ATPSCKMT: variants seen among roughly 807,000 people sequenced by gnomAD.
The protein encoded by ATPSCKMT is ATP synthase subunit C lysine N-methyltransferase.
ATPSCKMT carries 24 observed loss-of-function variants against 24.3 expected under a neutral mutation model. That is an observed-to-expected ratio of 0.99 (90% CI 0.71 to 1.39). ATPSCKMT has a LOEUF of 1.39. Ranked by LOEUF, ATPSCKMT falls within the 40% of genes most tolerant of loss-of-function variation. The pLI is 0.00. For synonymous variants in ATPSCKMT, 95 were observed against 110.5 expected (o/e 0.86, Z 0.88); for missense variants, 311 against 298.4 (o/e 1.04, Z -0.31).
Position 10,225,871 on chromosome 5 carries a change from T to C in ATPSCKMT, c.*1570A>G, listed in dbSNP as rs915714571. Among the ~76,000 whole-genome samples the C allele has an allele frequency of 1.3e-5, 2 of 152,138 alleles. No homozygotes were observed. The highest frequency in any genetic ancestry group is 4.8e-5 in the African/African-American group (2 of 41,444). On this transcript the variant is annotated 3_prime_UTR_variant, in exon 5 of 5. Coordinates refer to ENST00000511437, the MANE Select transcript of ATPSCKMT (RefSeq NM_199133.4). Reference sequence around the variant, plus strand: ...ACATCTTCATGGCAAGGAGCTACCATGGATCCCCCTCCGAGTGTGCCCAGA... The same window carrying C: ...ACATCTTCATGGCAAGGAGCTACCACGGATCCCCCTCCGAGTGTGCCCAGA...
intron 3 of ATPSCKMT, chr5:10,236,262 G>A (rs1486004686): frequency 4.9e-6 from 2 of 407,848 alleles, no homozygotes; most frequent in Non-Finnish European, 8.4e-6. Flanking sequence ...ATAAATTCTT[G>A]GAATTCACAA....
intron 2 of ATPSCKMT, chr5:10,237,049 G>A: frequency 7.8e-7 from 1 of 1,280,392 alleles, no homozygotes; most frequent in Non-Finnish European, 1.0e-6. Context: ...ACCTGTCAAT[G>A]AAAAATCTGC....
At chr5:10,241,633 AT>A (rs1375266842) in intron 1 of ATPSCKMT, among the ~76,000 whole-genome samples, 1 of 152,204 alleles carries the variant, frequency 6.6e-6, no homozygotes, top group Admixed American at 6.5e-5. Context: ...AATGCTAGTG[AT>A]GGGGGTAAAG....
At chr5:10,238,773 G>C (rs536796630) in intron 2 of ATPSCKMT, among the ~76,000 whole-genome samples, 2 of 152,286 alleles carry the variant, frequency 1.3e-5, no homozygotes, top group East Asian at 3.9e-4. Flanking sequence ...TTCTTCTCAT[G>C]CCACCTCTGT....
chr5:10,238,411 C>T (rs1241273989), intron 2 of ATPSCKMT, among the ~76,000 whole-genome samples: 1 of 152,164 alleles, frequency 6.6e-6, no homozygotes, highest in Non-Finnish European at 1.5e-5. Flanking sequence ...TCCTGCTGGC[C>T]TTCACACTAA....
rs199590304 is a variant in ATPSCKMT, at chr5:10,236,537, G to A, written c.385C>T (p.Arg129Cys). The A allele has an allele frequency of 1.7e-4, 281 of 1,614,112 alleles. No homozygotes were observed. The African/African-American group carries it at 2.2e-3, about 13-fold the overall frequency. ...CCATGCACACCTTCTCGCCAAGCGC[G>A]GTATCTGGAATACCAAACTAGCCAT... ...NPWLVWYSRY[R>C]AWREGVHGSA... The change falls in exon 3 of 5, where the codon CGC becomes TGC. Residue 129 changes from arginine to cysteine, a missense_variant. By Grantham distance (180) the Arg-to-Cys change is radical. Transcript: ENST00000511437.
chr5:10,239,039 A>T lies in ATPSCKMT; in HGVS notation c.306+28T>A, dbSNP rs374503411. ...GCAGAAATTTTAAGTTCTGGTTTCA[A>T]ACCTTAAAATGTTTTAGCAGAACTC... On this transcript the variant is annotated intron_variant, in intron 2 of 4. Transcript: ENST00000511437. 12 of 1,596,420 alleles carry T rather than the reference A, an allele frequency of 7.5e-6. No homozygotes were observed. In the African/African-American group the frequency reaches 1.2e-4, roughly 16 times the overall value.
rs1743883683 is a variant in ATPSCKMT, at chr5:10,226,470, C to T, written c.*971G>A. On this transcript the variant is annotated 3_prime_UTR_variant, in exon 5 of 5. Transcript: ENST00000511437. ...TGATAAGTACGAATGACTCAAGCTA[C>T]CATTCAATATTCACTTTACAGATAT... The T allele has an allele frequency of 1.3e-5, 2 of 152,196 alleles. No homozygotes were observed. Among genetic ancestry groups the T allele is most frequent in the South Asian group, 4.1e-4 (2 of 4,826 alleles). 9.4% of individuals were successfully genotyped at this position (152,196 alleles called of 1,614,324 possible). A position where few individuals can be genotyped will look rare whatever the true frequency, so the allele number is the denominator to read the frequency against.
chr5:10,227,772 T>C (rs889193638), intron 4 of ATPSCKMT, 125 bp from the exon 5 acceptor site: 2 of 776,254 alleles, frequency 2.6e-6, no homozygotes, highest in African/African-American at 1.7e-5. Flanking sequence ...AAAAGAGCAC[T>C]CTGGGACACA....
chr5:10,235,075 C>T, intron 4 of ATPSCKMT, 136 bp downstream of exon 4: 2 of 682,616 alleles, frequency 2.9e-6, no homozygotes, highest in East Asian at 2.7e-5. Context: ...TTTATTAAAT[C>T]AATGAACTGA....
At chr5:10,230,956 A>C (rs1284781048) in intron 4 of ATPSCKMT, among the ~76,000 whole-genome samples, 1 of 151,862 alleles carries the variant, frequency 6.6e-6, no homozygotes, top group Non-Finnish European at 1.5e-5. Flanking sequence ...CAACAAACCT[A>C]CATCTCCAGC....
intron 1 of ATPSCKMT, among the ~76,000 whole-genome samples, chr5:10,248,887 G>C (rs3888292): frequency 0.42 from 64,315 of 152,062 alleles, 16,991 homozygotes; most frequent in Non-Finnish European, 0.6. Flanking sequence ...ATTAAGTCAT[G>C]ATCTTGGAGG....
chr5:10,235,375 G>A, intron 3 of ATPSCKMT, 114 bp from the exon 4 acceptor site: 1 of 842,560 alleles, frequency 1.2e-6, no homozygotes, highest in Non-Finnish European at 2.0e-6. Flanking sequence ...GGTGGGTTTT[G>A]ATGAACTCCT....
intron 1 of ATPSCKMT, 200 bp downstream of exon 1, chr5:10,249,658 C>T: frequency 7.4e-6 from 6 of 815,712 alleles, no homozygotes; most frequent in Non-Finnish European, 1.1e-5. Flanking sequence ...ACGCGCCCGC[C>T]GACAAGGATC....
chr5:10,239,227 A>T lies in ATPSCKMT; in HGVS notation c.146T>A (p.Val49Glu). 1 of 1,614,220 alleles carries T rather than the reference A, an allele frequency of 6.2e-7. No individual in the cohort carries two copies. Among genetic ancestry groups the T allele is most frequent in the Non-Finnish European group, 8.5e-7 (1 of 1,180,042 alleles). Reference sequence around the variant, plus strand: ...CGGCGTGGCTACAGCGTACACAGCCACCAGGGTGCCACCCACAAGCCCAGT... The same window carrying T: ...CGGCGTGGCTACAGCGTACACAGCCTCCAGGGTGCCACCCACAAGCCCAGT... ...LLTGLVGGTL[V>E]AVYAVATPFV... The change falls in exon 2 of 5, where the codon GTG becomes GAG. Residue 49 changes from valine to glutamate, a missense_variant. By Grantham distance (121) the Val-to-Glu change is moderately radical. Coordinates refer to ENST00000511437, the MANE Select transcript of ATPSCKMT (RefSeq NM_199133.4).
rs1743863552 is a variant in ATPSCKMT, at chr5:10,226,064, C to T, written c.*1377G>A. On this transcript the variant is annotated 3_prime_UTR_variant, in exon 5 of 5. Coordinates refer to ENST00000511437, the MANE Select transcript of ATPSCKMT (RefSeq NM_199133.4). ...CCAAAAACCTGGCTGAAGTCCACAA[C>T]ATCACATCCCCTCATCTCAGACTCA... is the stretch of plus-strand genomic sequence containing the variant. Among the ~76,000 whole-genome samples the T allele has an allele frequency of 6.6e-6, 1 of 152,240 alleles. No individual in the cohort carries two copies. Among genetic ancestry groups the T allele is most frequent in the Non-Finnish European group, 1.5e-5 (1 of 68,036 alleles).
chr5:10,237,754 C>A (rs1370386085), intron 2 of ATPSCKMT, among the ~76,000 whole-genome samples: 2 of 149,656 alleles, frequency 1.3e-5, no homozygotes, highest in Non-Finnish European at 3.0e-5. Context: ...TAATATATTT[C>A]TTTTTTTTTT....
At chr5:10,249,805 G>A (rs1182954764) in intron 1 of ATPSCKMT, 53 bp downstream of exon 1, 4 of 663,980 alleles carry the variant, frequency 6.0e-6, no homozygotes, top group Non-Finnish European at 9.5e-6. Flanking sequence ...CCCCCGGCCC[G>A]CCCGCACCCC....
intron 3 of ATPSCKMT, among the ~76,000 whole-genome samples, chr5:10,235,629 C>A (rs1374449131): frequency 6.6e-6 from 1 of 152,328 alleles, no homozygotes; most frequent in Admixed American, 6.5e-5. Flanking sequence ...CACCAGTCCA[C>A]TCTATACCAC....
Sources: allele counts gnomAD v4.1 joint callset (sites outside exome capture counted in the v4.1 genomes callset), GRCh38; gene constraint gnomAD v4.1.1; transcripts MANE v1.5; gene names NCBI Gene and HGNC (gene_info 2026-07-23, HGNC 2026-07-21).